The following CFTR variants were observed in gnomAD, a reference collection of about 807,000 sequenced individuals.
The protein encoded by CFTR is CF transmembrane conductance regulator, also known as cystic fibrosis transmembrane conductance regulator.
A neutral mutation model predicts 171.6 loss-of-function variants in CFTR; 181 were observed. The ratio of observed to expected loss-of-function variants is 1.05; its 90% CI spans 0.93 to 1.19. CFTR has a LOEUF of 1.19. CFTR is among the 50% of genes most tolerant of loss of function. The probability of loss-of-function intolerance (pLI) is 0.00; values close to 1 mark genes in which losing one functional copy is unlikely to be tolerated. For synonymous variants in CFTR, 583 were observed against 608.0 expected (o/e 0.96, Z 0.60); for missense variants, 1,968 against 1,734.7 (o/e 1.13, Z -2.39).
At chr7:117,514,839 A>G (rs961835508) in intron 3 of CFTR, among the ~76,000 whole-genome samples, 41 of 152,294 alleles carry the variant, frequency 2.7e-4, no homozygotes, top group African/African-American at 9.6e-4. Context: ...TAACATTTTA[A>G]TAACTGCTAT....
chr7:117,619,957 G>T (rs1792549524), intron 21 of CFTR, among the ~76,000 whole-genome samples: 1 of 151,830 alleles, frequency 6.6e-6, no homozygotes, highest in African/African-American at 2.4e-5. Flanking sequence ...CCAACAAGAA[G>T]CCTGATGTGT....
intron 24 of CFTR, among the ~76,000 whole-genome samples, chr7:117,660,162 T>C (rs1015014011): frequency 6.6e-6 from 1 of 152,160 alleles, no homozygotes; most frequent in African/African-American, 2.4e-5. Flanking sequence ...GTTCTTTATA[T>C]CTACAAACTG....
chr7:117,664,939 C>A, intron 25 of CFTR, 79 bp downstream of exon 25: 1 of 1,461,182 alleles, frequency 6.8e-7, no homozygotes, highest in Non-Finnish European at 9.6e-7. Flanking sequence ...ACACATATTT[C>A]TATTAGGCTG....
Position 117,587,726 on chromosome 7 carries a change from T to A in CFTR, c.1585-13T>A. 1 of 1,525,200 alleles carries A rather than the reference T, an allele frequency of 6.6e-7. No homozygotes were observed. Among genetic ancestry groups the A allele is most frequent in the East Asian group, 2.3e-5 (1 of 44,398 alleles). 94.5% of individuals were successfully genotyped at this position (1,525,200 alleles called of 1,614,324 possible). ...CTAAAAGTGACTCTCTAATTTTCTA[T>A]TTTTGGTAATAGGACATCTCCAAGT... On this transcript the variant is annotated splice_polypyrimidine_tract_variant and intron_variant, in intron 11 of 26. Coordinates refer to ENST00000003084, the MANE Select transcript of CFTR (RefSeq NM_000492.4).
rs377447726 is a variant in CFTR at position 117,592,595 on chromosome 7, A to G, written c.2428A>G (p.Arg810Gly). Residue 810 changes from arginine to glycine, a missense_variant, in exon 14 of 27, where the codon AGA becomes GGA. Transcript: ENST00000003084. ...ANLTELDIYS[R>G]RLSQETGLEI... Reference sequence around the variant, plus strand: ...CTTGACTGAACTGGATATATATTCAAGAAGGTTATCTCAAGAAACTGGCTT... The same window carrying G: ...CTTGACTGAACTGGATATATATTCAGGAAGGTTATCTCAAGAAACTGGCTT... 1.1e-5 allele frequency: 17 copies of G among 1,528,370 alleles called. No homozygotes were observed. Among genetic ancestry groups the G allele is most frequent in the South Asian group, 2.7e-5 (2 of 73,004 alleles). The allele number at this position is 1,528,370 out of a possible 1,614,324, so 94.7% of individuals were successfully genotyped here.
At chr7:117,659,890 A>G (rs1180244726) in intron 24 of CFTR, among the ~76,000 whole-genome samples, 6 of 152,206 alleles carry the variant, frequency 3.9e-5, no homozygotes, top group African/African-American at 1.4e-4. Context: ...CTTATGGATT[A>G]TTCAGTAAAA....
At chr7:117,496,640 G>T (rs1798245285) in intron 1 of CFTR, among the ~76,000 whole-genome samples, 1 of 152,146 alleles carries the variant, frequency 6.6e-6, no homozygotes, top group Non-Finnish European at 1.5e-5. Flanking sequence ...GAACATTTGT[G>T]TACAAGTTTT....
At chr7:117,552,995 GA>G (rs1799297059) in intron 10 of CFTR, among the ~76,000 whole-genome samples, 1 of 152,072 alleles carries the variant, frequency 6.6e-6, no homozygotes, top group African/African-American at 2.4e-5. Flanking sequence ...CTTTATAAAA[GA>G]AACCTTAGAG....
intron 22 of CFTR, chr7:117,627,972 T>C (rs1792681712): frequency 1.9e-6 from 1 of 538,934 alleles, no homozygotes; most frequent in Middle Eastern, 4.8e-4. Context: ...ATATAATGGG[T>C]TTATTTTAAA....
chr7:117,602,691 C>T, intron 15 of CFTR, 135 bp from the exon 16 acceptor site: 1 of 821,694 alleles, frequency 1.2e-6, no homozygotes, highest in Non-Finnish European at 2.2e-6. Context: ...GAACACAAAG[C>T]AAAGGAAGAT....
intron 1 of CFTR, among the ~76,000 whole-genome samples, chr7:117,485,207 G>C (rs570844282): frequency 3.7e-4 from 56 of 152,302 alleles, no homozygotes; most frequent in Admixed American, 8.5e-4. Flanking sequence ...TATAAGTATA[G>C]TATTGCAAAA....
chr7:117,644,052 A>G (rs1045021218), intron 23 of CFTR, among the ~76,000 whole-genome samples: 4 of 151,016 alleles, frequency 2.6e-5, no homozygotes, highest in African/African-American at 7.4e-5. Flanking sequence ...TGAGTCTCCC[A>G]AGTTTGTCTT....
chr7:117,654,047 C>T (rs1307165447), intron 24 of CFTR, among the ~76,000 whole-genome samples: 1 of 152,324 alleles, frequency 6.6e-6, no homozygotes, highest in East Asian at 1.9e-4. Flanking sequence ...CCTCCAGGCT[C>T]ACTGGGGTGG....
At chr7:117,558,761 A>G (rs1317875174) in intron 10 of CFTR, among the ~76,000 whole-genome samples, 3 of 152,150 alleles carry the variant, frequency 2.0e-5, no homozygotes, top group Non-Finnish European at 4.4e-5. Flanking sequence ...TAATAAAGCA[A>G]TCAGCAAATT....
At chr7:117,536,401 A>G in intron 6 of CFTR, 147 bp from the exon 7 acceptor site, 2 of 816,006 alleles carry the variant, frequency 2.5e-6, no homozygotes, top group Non-Finnish European at 2.0e-6. Context: ...AGTAGTTATT[A>G]TTTTTGTTAC....
chr7:117,492,794 A>G (rs1798179063), intron 1 of CFTR, among the ~76,000 whole-genome samples: 1 of 152,046 alleles, frequency 6.6e-6, no homozygotes, highest in Non-Finnish European at 1.5e-5. Context: ...GATAGAATAG[A>G]GCACACCATG....
Position 117,667,244 on chromosome 7 carries a change from A to G in CFTR, c.*136A>G. ...AAGGATGAATTAAGTTTTTTTTTAAAAAAGAAACATTTGGTAAGGGGAATT... is the reference window on the plus strand; with the variant it reads ...AAGGATGAATTAAGTTTTTTTTTAAGAAAGAAACATTTGGTAAGGGGAATT... On this transcript the variant is annotated 3_prime_UTR_variant, in exon 27 of 27. Coordinates refer to ENST00000003084, the MANE Select transcript of CFTR (RefSeq NM_000492.4). 1 of 820,286 alleles carries G rather than the reference A, an allele frequency of 1.2e-6. No homozygotes were observed. The highest frequency in any genetic ancestry group is 1.5e-5 in the South Asian group (1 of 68,404). The allele number at this position is 820,286 out of a possible 1,614,324, so 50.8% of individuals were successfully genotyped here. A position where few individuals can be genotyped will look rare whatever the true frequency, so the allele number is the denominator to read the frequency against.
intron 23 of CFTR, 136 bp downstream of exon 23, chr7:117,642,729 A>G: frequency 1.1e-6 from 1 of 925,270 alleles, no homozygotes; most frequent in Non-Finnish European, 1.7e-6. Context: ...TCTCCAGTGC[A>G]GTTTTCTCAT....
chr7:117,504,805 C>A (rs1037514728), intron 2 of CFTR, among the ~76,000 whole-genome samples: 3 of 148,242 alleles, frequency 2.0e-5, no homozygotes, highest in African/African-American at 7.4e-5. Context: ...GAAATGTTGA[C>A]TGAAATCATT....
Sources: gnomAD v4.1 joint callset for allele counts (sites outside exome capture counted in the v4.1 genomes callset) on GRCh38, gnomAD v4.1.1 for gene constraint, MANE v1.5 for transcripts, NCBI Gene and HGNC (gene_info 2026-07-23, HGNC 2026-07-21) for gene names.